Variants in MCTP1 observed in about 807,000 individuals in gnomAD.
MCTP1 encodes multiple C2 and transmembrane domain-containing protein 1.
In MCTP1, 69 loss-of-function variants were observed where a neutral mutation model predicts 120.6. The observed-to-expected ratio is 0.57, with a 90% CI of 0.47 to 0.70. The LOEUF (loss-of-function observed/expected upper bound fraction) is 0.70. MCTP1 is among the 30% of genes least tolerant of loss of function. MCTP1 has a pLI of 0.00. For missense variants in MCTP1, 1,203 were observed against 1,248.8 expected, an observed-to-expected ratio of 0.96 and a Z score of 0.55; for synonymous variants, 529 against 493.1, an observed-to-expected ratio of 1.07 and a Z score of -0.96.
Position 94,779,182 on chromosome 5 carries a change from G to A in MCTP1, c.2557-19C>T. 6.2e-7 allele frequency: 1 copy of A among 1,610,684 alleles called. No individual in the cohort carries two copies. The highest frequency in any genetic ancestry group is 8.5e-7 in the Non-Finnish European group (1 of 1,176,996). ...CCACTACCTGCAGAGAGAAACAGAA[G>A]TCGTTTTTTGTGCTCTTAAAGGAGA... On this transcript the variant is annotated intron_variant, in intron 18 of 22. Transcript: ENST00000515393.
chr5:95,005,527 C>T (rs572939490), intron 2 of MCTP1, among the ~76,000 whole-genome samples: 26 of 152,132 alleles, frequency 1.7e-4, no homozygotes, highest in South Asian at 1.2e-3. Flanking sequence ...TGGTGGGTGG[C>T]GACTGAATCA....
intron 1 of MCTP1, among the ~76,000 whole-genome samples, chr5:95,056,146 G>T (rs1747337122): frequency 6.6e-6 from 1 of 152,154 alleles, no homozygotes; most frequent in Non-Finnish European, 1.5e-5. Context: ...ATAAAATTGT[G>T]AATGTAATGA....
chr5:94,795,209 C>CA (rs1202935879), intron 18 of MCTP1, among the ~76,000 whole-genome samples: 1 of 132,482 alleles, frequency 7.5e-6, no homozygotes, highest in East Asian at 2.3e-4. Flanking sequence ...TGCTTGTCTA[C>CA]ATGAGCATAT....
At chr5:95,070,357 C>T (rs1751828145) in intron 1 of MCTP1, among the ~76,000 whole-genome samples, 1 of 152,050 alleles carries the variant, frequency 6.6e-6, no homozygotes, top group Non-Finnish European at 1.5e-5. Context: ...TTGAGTGCAA[C>T]ACCTGCTCCA....
At chr5:95,174,713 C>T (rs1020859795) in intron 1 of MCTP1, among the ~76,000 whole-genome samples, 1 of 152,162 alleles carries the variant, frequency 6.6e-6, no homozygotes, top group African/African-American at 2.4e-5. Context: ...TGTATGGATT[C>T]TGTGAGTTAT....
intron 1 of MCTP1, among the ~76,000 whole-genome samples, chr5:95,104,888 C>T (rs983612374): frequency 2.0e-5 from 3 of 152,162 alleles, no homozygotes; most frequent in Non-Finnish European, 4.4e-5. Flanking sequence ...ATTTAAATGG[C>T]TGGGACTATA....
intron 1 of MCTP1, among the ~76,000 whole-genome samples, chr5:95,263,030 G>A (rs1489586723): frequency 6.6e-6 from 1 of 152,150 alleles, no homozygotes; most frequent in Non-Finnish European, 1.5e-5. Flanking sequence ...CAGAAAAATT[G>A]TGCAAGTGTA....
At chr5:95,147,975 T>C (rs942117203) in intron 1 of MCTP1, among the ~76,000 whole-genome samples, 2 of 152,214 alleles carry the variant, frequency 1.3e-5, no homozygotes, top group Non-Finnish European at 2.9e-5. Flanking sequence ...TTTGGTGGGA[T>C]ATGAGATTCT....
At chr5:94,968,200 C>G (rs1826021670) in intron 2 of MCTP1, among the ~76,000 whole-genome samples, 1 of 152,072 alleles carries the variant, frequency 6.6e-6, no homozygotes, top group African/African-American at 2.4e-5. Flanking sequence ...ACATTAATAG[C>G]TATTATTTAT....
intron 1 of MCTP1, among the ~76,000 whole-genome samples, chr5:95,262,305 A>T (rs1374679123): frequency 1.3e-5 from 2 of 152,208 alleles, no homozygotes; most frequent in African/African-American, 4.8e-5. Context: ...CACATAGTTC[A>T]TTTCAAGCGT....
intron 2 of MCTP1, among the ~76,000 whole-genome samples, chr5:94,953,923 A>ATATGCATATATATACAAAT (rs1165317497): frequency 3.4e-5 from 1 of 29,034 alleles, no homozygotes; most frequent in Non-Finnish European, 6.4e-5. Flanking sequence ...ATACAAATAT[A>ATATGCATATATATACAAAT]ATATATGCAT....
intron 17 of MCTP1, among the ~76,000 whole-genome samples, chr5:94,848,982 A>G (rs1180017734): frequency 6.6e-6 from 1 of 151,880 alleles, no homozygotes; most frequent in East Asian, 2.0e-4. Flanking sequence ...CCCTCTTATT[A>G]GTATAATTTA....
chr5:95,069,492 C>T lies in MCTP1; in HGVS notation c.721-52008G>A, dbSNP rs556365275. ...ACATACAGTGTACAGAAATATGCTA[C>T]ATTTTGATGACACAGGCCAGGTGAC... On this transcript the variant is annotated intron_variant, in intron 1 of 22. Transcript: ENST00000515393. 1.9e-3 allele frequency among the ~76,000 whole-genome samples: 291 copies of T among 149,774 alleles called. 4 individuals carry two copies. The highest frequency in any genetic ancestry group is 7.0e-3 in the African/African-American group (287 of 40,886).
At chr5:94,802,761 T>A (rs969935638) in intron 17 of MCTP1, among the ~76,000 whole-genome samples, 5 of 152,186 alleles carry the variant, frequency 3.3e-5, no homozygotes, top group Non-Finnish European at 5.9e-5. Context: ...GAAACAATTT[T>A]AAAAATCTCT....
chr5:94,811,162 A>AT (rs1479737934), intron 17 of MCTP1, among the ~76,000 whole-genome samples: 1 of 152,128 alleles, frequency 6.6e-6, no homozygotes, highest in African/African-American at 2.4e-5. Flanking sequence ...TCTTAGGCTG[A>AT]TTTTAACAGC....
In MCTP1 at chr5:95,176,440, G is replaced by A. The variant is rs939972198; in HGVS notation, c.720+107416C>T. Among the ~76,000 whole-genome samples the A allele has an allele frequency of 5.9e-5, 9 of 152,190 alleles. No individual in the cohort carries two copies. In the East Asian group the frequency reaches 1.7e-3, roughly 29 times the overall value. On this transcript the variant is annotated intron_variant, in intron 1 of 22. Coordinates refer to ENST00000515393, the MANE Select transcript of MCTP1 (RefSeq NM_024717.7). ...CTGAGGAGGCTGAGGCAGGAGAATC[G>A]CTTGAATCCAGGAGGCAGAGGTTGG...
chr5:94,900,357 A>G (rs1005615092), intron 10 of MCTP1, among the ~76,000 whole-genome samples: 1 of 152,226 alleles, frequency 6.6e-6, no homozygotes, highest in Non-Finnish European at 1.5e-5. Context: ...ACCAACTGGA[A>G]CATAGCTGGT....
At chr5:95,200,669 A>T (rs1457007877) in intron 1 of MCTP1, among the ~76,000 whole-genome samples, 1 of 152,210 alleles carries the variant, frequency 6.6e-6, no homozygotes, top group East Asian at 1.9e-4. Flanking sequence ...GATTAGGGAG[A>T]TGTTGGTCAA....
intron 1 of MCTP1, among the ~76,000 whole-genome samples, chr5:95,043,377 T>C (rs535254478): frequency 6.6e-6 from 1 of 152,260 alleles, no homozygotes; most frequent in African/African-American, 2.4e-5. Flanking sequence ...TACTTCCCAC[T>C]AAGACCAGGG....
Sources: gnomAD v4.1 joint callset for allele counts (sites outside exome capture counted in the v4.1 genomes callset) on GRCh38, gnomAD v4.1.1 for gene constraint, MANE v1.5 for transcripts, NCBI Gene and HGNC (gene_info 2026-07-23, HGNC 2026-07-21) for gene names.